Variants in CYP4Z1 observed in about 807,000 individuals in gnomAD.
The protein encoded by CYP4Z1 is cytochrome P450 4Z1.
In CYP4Z1, 41 loss-of-function variants were observed where a neutral mutation model predicts 54.2. The observed-to-expected ratio is 0.76, with a 90% confidence interval of 0.59 to 0.98. The LOEUF (loss-of-function observed/expected upper bound fraction) is 0.98, where lower values mean the gene tolerates loss of function less well. Ranked by LOEUF, CYP4Z1 falls within the 50% of genes least tolerant of loss-of-function variation. The pLI is 0.00. For synonymous variants in CYP4Z1, 163 were observed against 206.2 expected, an observed-to-expected ratio of 0.79 and a Z score of 1.79; for missense variants, 513 against 599.0, an observed-to-expected ratio of 0.86 and a Z score of 1.50.
chr1:47,086,332 T>A (rs547702570), intron 6 of CYP4Z1, among the ~76,000 whole-genome samples: 184 of 152,342 alleles, frequency 1.2e-3, no homozygotes, highest in African/African-American at 4.1e-3. Flanking sequence ...TGTTCCTATT[T>A]CTCCACATCC....
chr1:47,068,832 G>T, intron 2 of CYP4Z1, 69 bp downstream of exon 2: 1 of 1,557,272 alleles, frequency 6.4e-7, no homozygotes, highest in South Asian at 1.2e-5. Flanking sequence ...TGTGGCACTA[G>T]GGAAGGACAG....
At chr1:47,105,725 C>G (rs1326753267) in intron 8 of CYP4Z1, among the ~76,000 whole-genome samples, 1 of 152,182 alleles carries the variant, frequency 6.6e-6, no homozygotes, top group Non-Finnish European at 1.5e-5. Flanking sequence ...TGCCGCTAGT[C>G]AGCCATCTTA....
the CYP4Z1 span, among the ~76,000 whole-genome samples, chr1:47,061,993 T>C: frequency 6.6e-6 from 1 of 152,200 alleles, no homozygotes; most frequent in African/African-American, 2.4e-5. Flanking sequence ...CACTTCATGT[T>C]AAAAACTCTA....
At position 47,094,621 on chromosome 1, in the gene CYP4Z1, T is replaced by G. The variant is rs139040562; in HGVS notation, c.828T>G (p.Thr276=). The stretch of plus-strand genomic sequence containing the variant: ...TTAAGGATAAGCTAAAACAAGATAC[T>G]ACTCAGAAAAGGCGCTGGGATTTTC... ...ESLKDKLKQD[T]TQKRRWDFLD... is the part of the protein sequence containing the mutation. Residue 276 remains threonine, a synonymous_variant, in exon 7 of 12, where the codon ACT becomes ACG. Coordinates refer to ENST00000334194, the MANE Select transcript of CYP4Z1 (RefSeq NM_178134.3). 2.5e-6 allele frequency: 4 copies of G among 1,611,170 alleles called. No homozygotes were observed. In the African/African-American group the frequency reaches 4.0e-5, roughly 16 times the overall value.
chr1:47,100,033 A>G (rs4492665), intron 8 of CYP4Z1, among the ~76,000 whole-genome samples: 63,063 of 150,892 alleles, frequency 0.42, 14,549 homozygotes, highest in East Asian at 0.97. Flanking sequence ...AATAACATTC[A>G]TTCTTTGTTT....
chr1:47,099,530 C>A (rs1644705239), intron 8 of CYP4Z1, among the ~76,000 whole-genome samples: 1 of 152,142 alleles, frequency 6.6e-6, no homozygotes, highest in African/African-American at 2.4e-5. Context: ...GGCAATAGTA[C>A]AACTGCGGAA....
Position 47,088,584 on chromosome 1 carries a change from T to G in CYP4Z1, c.772+3606T>G, listed in dbSNP as rs1644614883. Among the ~76,000 whole-genome samples, 2 of 150,460 alleles carry G rather than the reference T, an allele frequency of 1.3e-5. 1 individual carries two copies. The highest frequency in any genetic ancestry group is 4.2e-4 in the South Asian group (2 of 4,706). On this transcript the variant is annotated intron_variant, in intron 6 of 11. Coordinates refer to ENST00000334194, the MANE Select transcript of CYP4Z1 (RefSeq NM_178134.3). ...TTTCGTCTATTTGATTCTTCAAATG[T>G]GTCTATTTGATTCTCCAATTTTTTT...
the CYP4Z1 span, among the ~76,000 whole-genome samples, chr1:47,057,335 A>AAAAAAAAAAAAAAAAAAAATAT: frequency 7.0e-5 from 2 of 28,484 alleles, no homozygotes; most frequent in African/African-American, 9.1e-5. Flanking sequence ...AAGAAAAAAA[A>AAAAAAAAAAAAAAAAAAAATAT]ATATATATAT....
At position 47,116,645 on chromosome 1, in the gene CYP4Z1, T is replaced by G; in HGVS notation, c.1267-5T>G. 2 of 1,599,308 alleles carry G rather than the reference T, an allele frequency of 1.3e-6. No homozygotes were observed. Among genetic ancestry groups the G allele is most frequent in the African/African-American group, 1.3e-5 (1 of 74,634 alleles). On this transcript the variant is annotated splice_polypyrimidine_tract_variant and splice_region_variant and intron_variant, in intron 10 of 11. Transcript: ENST00000334194. ...TTAGGACTGGGATCTTCACTCTCATTACAGGTCTTTAACCCCTTGAGATTC... is the reference window on the plus strand; with the variant it reads ...TTAGGACTGGGATCTTCACTCTCATGACAGGTCTTTAACCCCTTGAGATTC...
At chr1:47,086,703 T>C (rs1273538860) in intron 6 of CYP4Z1, among the ~76,000 whole-genome samples, 2 of 152,216 alleles carry the variant, frequency 1.3e-5, no homozygotes, top group African/African-American at 2.4e-5. Flanking sequence ...TTTAATAAGA[T>C]CCCATTTGTC....
chr1:47,110,719 C>T (rs1297135694), intron 9 of CYP4Z1, among the ~76,000 whole-genome samples: 1 of 151,694 alleles, frequency 6.6e-6, no homozygotes, highest in Non-Finnish European at 1.5e-5. Flanking sequence ...TAAAAGAGAA[C>T]AAGGCTTCTG....
At chr1:47,077,527 T>C (rs567218024) in intron 2 of CYP4Z1, among the ~76,000 whole-genome samples, 28 of 152,334 alleles carry the variant, frequency 1.8e-4, no homozygotes, top group Middle Eastern at 3.4e-3. Context: ...TGCCAGTCTC[T>C]GCCTTTTAAT....
chr1:47,098,933 T>C (rs1305169490), intron 7 of CYP4Z1, among the ~76,000 whole-genome samples, 161 bp from the exon 8 acceptor site: 1 of 152,238 alleles, frequency 6.6e-6, no homozygotes, highest in Non-Finnish European at 1.5e-5. Flanking sequence ...CCTGGTGTTC[T>C]GTTAAGGTTT....
the CYP4Z1 span, among the ~76,000 whole-genome samples, chr1:47,057,420 TCAACTA>T: frequency 1.4e-5 from 2 of 139,390 alleles, no homozygotes; most frequent in Non-Finnish European, 3.1e-5. Context: ...TTTGGAGACT[TCAACTA>T]CATGTATGTC....
At chr1:47,097,745 G>A (rs55937307) in intron 7 of CYP4Z1, among the ~76,000 whole-genome samples, 10,917 of 150,472 alleles carry the variant, frequency 0.073, 506 homozygotes, top group East Asian at 0.22. Flanking sequence ...CTCCAGCTTT[G>A]GTTTGTTTGT....
chr1:47,085,485 A>G (rs371933070), intron 6 of CYP4Z1, among the ~76,000 whole-genome samples: 1 of 152,142 alleles, frequency 6.6e-6, no homozygotes, highest in Non-Finnish European at 1.5e-5. Context: ...CAATTGGAAT[A>G]TATTTCTGAT....
chr1:47,092,120 C>G (rs2472728), intron 6 of CYP4Z1, among the ~76,000 whole-genome samples: 2,824 of 151,326 alleles, frequency 0.019, 107 homozygotes, highest in African/African-American at 0.065. Flanking sequence ...GCACTTCCAT[C>G]TCCAGTGATC....
chr1:47,105,966 T>C (rs1644754063), intron 8 of CYP4Z1, among the ~76,000 whole-genome samples, 162 bp from the exon 9 acceptor site: 1 of 152,166 alleles, frequency 6.6e-6, no homozygotes, highest in Non-Finnish European at 1.5e-5. Context: ...TGGTAAGTGT[T>C]AACATTTAGC....
intron 9 of CYP4Z1, among the ~76,000 whole-genome samples, chr1:47,108,128 C>A (rs1192441998): frequency 2.0e-5 from 3 of 152,056 alleles, no homozygotes; most frequent in Non-Finnish European, 4.4e-5. Context: ...TCCGCCACAC[C>A]TTCTTGCCCT....
Sources: gnomAD v4.1 joint callset for allele counts (sites outside exome capture counted in the v4.1 genomes callset) on GRCh38, gnomAD v4.1.1 for gene constraint, MANE v1.5 for transcripts, NCBI Gene and HGNC (gene_info 2026-07-23, HGNC 2026-07-21) for gene names.